The following RBFOX1 variants were observed in gnomAD, a reference collection of about 807,000 sequenced individuals.
RBFOX1 encodes the protein RNA binding fox-1 homolog 1.
Under a neutral mutation model 57.7 loss-of-function variants are expected in RBFOX1, and 8 were observed. The observed-to-expected ratio is 0.14, with a 90% CI of 0.08 to 0.25. RBFOX1 has a LOEUF of 0.25. Among genes scored for constraint, RBFOX1 ranks in the 10% least tolerant of loss-of-function variants. The pLI is 1.00. For synonymous variants in RBFOX1, 326 were observed against 222.4 expected (o/e 1.47, Z -4.15); for missense variants, 611 against 548.5 (o/e 1.11, Z -1.14).
chr16:6,844,904 G>C (rs1418427108), intron 3 of RBFOX1, among the ~76,000 whole-genome samples: 2 of 152,140 alleles, frequency 1.3e-5, no homozygotes, highest in Non-Finnish European at 2.9e-5. Context: ...GTATCTCATT[G>C]TGGTTTTGAT....
At chr16:5,621,864 A>C (rs182946493) in intron 3 of RBFOX1, among the ~76,000 whole-genome samples, 1 of 152,244 alleles carries the variant, frequency 6.6e-6, no homozygotes, top group East Asian at 1.9e-4. Flanking sequence ...TCGTGTTTCA[A>C]TGCTTAGGGG....
At chr16:6,178,833 A>C (rs181734917) in intron 1 of RBFOX1, among the ~76,000 whole-genome samples, 171 of 152,322 alleles carry the variant, frequency 1.1e-3, no homozygotes, top group African/African-American at 3.9e-3. Context: ...TTTCACTTGC[A>C]AATGAAGGTG....
intron 13 of RBFOX1, among the ~76,000 whole-genome samples, chr16:7,666,905 G>T (rs540816927): frequency 1.3e-5 from 2 of 152,196 alleles, no homozygotes; most frequent in Non-Finnish European, 2.9e-5. Context: ...AGCTCGGGAA[G>T]CATCAGGGTG....
rs139746807 is a variant in RBFOX1, at chr16:6,956,451, C to T, written c.-15-95606C>T. ...GAATTTGTCAAGAGTAAGCTACATG[C>T]TGGGCTTTGTCATCGTCTTCTCAAA... On this transcript the variant is annotated intron_variant, in intron 3 of 15. Transcript: ENST00000550418. 5.6e-4 allele frequency among the ~76,000 whole-genome samples: 86 copies of T among 152,270 alleles called. 1 individual carries two copies. The South Asian group carries it at 0.013, about 23-fold the overall frequency.
rs71145238 is a variant in RBFOX1 at position 6,506,624 on chromosome 16, ATTTTTTT to A, written c.-63-147944_-63-147938del. Among the ~76,000 whole-genome samples, 227 of 98,440 alleles carry A rather than the reference ATTTTTTT, an allele frequency of 2.3e-3. 21 individuals are homozygous for A. The highest frequency in any genetic ancestry group is 0.021 in the Middle Eastern group (3 of 144). 64.6% of individuals were successfully genotyped at this position (98,440 alleles called of 152,430 possible). A position where few individuals can be genotyped will look rare whatever the true frequency, so the allele number is the denominator to read the frequency against. On this transcript the variant is annotated intron_variant, in intron 2 of 15. Transcript: ENST00000550418. ...ACGGTAATAACAATCACAGTAGCTA[ATTTTTTT>A]TTTTTTTTTTTTTTTTTTTTTTTTT...
intron 4 of RBFOX1, among the ~76,000 whole-genome samples, chr16:5,948,590 G>C (rs1371372965): frequency 6.6e-6 from 1 of 152,196 alleles, no homozygotes; most frequent in African/African-American, 2.4e-5. Flanking sequence ...GAGACCTACA[G>C]GGAAGGCCGT....
intron 11 of RBFOX1, among the ~76,000 whole-genome samples, chr16:7,634,319 C>G (rs1341543110): frequency 6.6e-6 from 1 of 151,832 alleles, no homozygotes; most frequent in Admixed American, 6.6e-5. Flanking sequence ...TGCAAGATAA[C>G]TCTGGAGCTT....
chr16:5,462,670 C>T (rs1010710370), intron 1 of RBFOX1, among the ~76,000 whole-genome samples: 7 of 152,134 alleles, frequency 4.6e-5, no homozygotes, highest in Admixed American at 1.3e-4. Context: ...CATTATGATG[C>T]ATCCATGGCA....
In RBFOX1 at chr16:5,839,005, C is replaced by A. The variant is rs995301022; in HGVS notation, c.319-28298C>A. Reference sequence around the variant, plus strand: ...TGAAAGTATTTTTGGTTTCACAGCTCGCTGGGGAGTGCTCCTGGCATATAG... The same window carrying A: ...TGAAAGTATTTTTGGTTTCACAGCTAGCTGGGGAGTGCTCCTGGCATATAG... On this transcript the variant is annotated intron_variant, in intron 3 of 19. Coordinates refer to the RBFOX1 transcript ENST00000641259. Among the ~76,000 whole-genome samples, 17 of 152,220 alleles carry A rather than the reference C, an allele frequency of 1.1e-4. 1 individual carries two copies. In the East Asian group the frequency reaches 3.3e-3, roughly 29 times the overall value.
At chr16:7,178,157 A>T (rs750445982) in intron 4 of RBFOX1, among the ~76,000 whole-genome samples, 1 of 152,234 alleles carries the variant, frequency 6.6e-6, no homozygotes, top group Non-Finnish European at 1.5e-5. Context: ...AACAAAAAAC[A>T]TGTTTATTCC....
chr16:6,273,776 T>C (rs1349332570), intron 1 of RBFOX1, among the ~76,000 whole-genome samples: 1 of 152,102 alleles, frequency 6.6e-6, no homozygotes, highest in African/African-American at 2.4e-5. Context: ...AAGGGAAGCT[T>C]CAGACTTAGA....
In RBFOX1 at chr16:6,601,235, G is replaced by T. The variant is rs566218231; in HGVS notation, c.-63-53368G>T. Among the ~76,000 whole-genome samples the T allele has an allele frequency of 4.6e-5, 7 of 152,138 alleles. No homozygotes were observed. The East Asian group carries it at 1.2e-3, about 25-fold the overall frequency. On this transcript the variant is annotated intron_variant, in intron 2 of 15. Transcript: ENST00000550418. ...GGAAGAGTCTTTTTTGCTGAATGACGAATTGAACCAGCATATAATTCCAAC... is the reference window on the plus strand; with the variant it reads ...GGAAGAGTCTTTTTTGCTGAATGACTAATTGAACCAGCATATAATTCCAAC...
At chr16:7,021,102 T>C (rs1157480196) in intron 3 of RBFOX1, among the ~76,000 whole-genome samples, 1 of 152,150 alleles carries the variant, frequency 6.6e-6, no homozygotes, top group African/African-American at 2.4e-5. Flanking sequence ...CACTCCAGCA[T>C]GAGTGAGAGA....
chr16:5,630,109 C>T (rs1386015028), intron 3 of RBFOX1, among the ~76,000 whole-genome samples: 1 of 152,156 alleles, frequency 6.6e-6, no homozygotes, highest in Admixed American at 6.5e-5. Context: ...TCATTTGAGG[C>T]TCAGAGGCAC....
At chr16:5,422,778 A>G (rs1315711782) in intron 1 of RBFOX1, among the ~76,000 whole-genome samples, 27 of 69,822 alleles carry the variant, frequency 3.9e-4, no homozygotes, top group East Asian at 9.8e-4. Flanking sequence ...GGAGAGGGAG[A>G]AGGGAGAGGG....
chr16:6,431,892 G>GCTTTCTTTCTTT (rs1491491088), intron 2 of RBFOX1, among the ~76,000 whole-genome samples: 177 of 118,166 alleles, frequency 1.5e-3, no homozygotes, highest in East Asian at 2.8e-3. Flanking sequence ...ATGCTTGCTT[G>GCTTTCTTTCTTT]CTTGCTTTCT....
intron 4 of RBFOX1, among the ~76,000 whole-genome samples, chr16:5,963,210 A>T (rs2059784419): frequency 6.6e-6 from 1 of 152,208 alleles, no homozygotes; most frequent in African/African-American, 2.4e-5. Flanking sequence ...GCTGTATCAA[A>T]CCCCAAACCT....
intron 9 of RBFOX1, among the ~76,000 whole-genome samples, chr16:7,606,003 T>G (rs191865670): frequency 6.6e-6 from 1 of 152,246 alleles, no homozygotes; most frequent in East Asian, 1.9e-4. Context: ...AGTCAAGGTT[T>G]CGCCATGCTG....
intron 3 of RBFOX1, among the ~76,000 whole-genome samples, chr16:5,665,153 A>G (rs1414396664): frequency 5.0e-5 from 7 of 140,770 alleles, no homozygotes; most frequent in Non-Finnish European, 7.6e-5. Context: ...GTCTTGCTAT[A>G]TTGCCCAGGC....
Sources: gnomAD v4.1 joint callset for allele counts (sites outside exome capture counted in the v4.1 genomes callset) on GRCh38, gnomAD v4.1.1 for gene constraint, MANE v1.5 for transcripts, NCBI Gene and HGNC (gene_info 2026-07-23, HGNC 2026-07-21) for gene names.